TAFA1: variants seen among roughly 807,000 people sequenced by gnomAD.
TAFA1 encodes TAFA chemokine like family member 1.
Under a neutral mutation model 18.5 loss-of-function variants are expected in TAFA1, and 4 were observed. That is an observed-to-expected ratio of 0.22 (90% confidence interval 0.11 to 0.49). The LOEUF is 0.49. TAFA1 is among the 20% of genes least tolerant of loss of function. The pLI is 0.98. For synonymous variants in TAFA1, 56 were observed against 55.2 expected (o/e 1.01, Z -0.06); for missense variants, 147 against 169.0 (o/e 0.87, Z 0.72).
chr3:68,520,621 A>G (rs1390057242), intron 3 of TAFA1, among the ~76,000 whole-genome samples: 3 of 152,322 alleles, frequency 2.0e-5, no homozygotes, highest in Middle Eastern at 6.8e-3. Context: ...AAAACCCAAC[A>G]TTACCACTGA....
In TAFA1 at chr3:68,057,277, G is replaced by A. The variant is rs9821990; in HGVS notation, c.118+50533G>A. On this transcript the variant is annotated intron_variant, in intron 2 of 4. Transcript: ENST00000478136. ...TTTCAGTTATCTATGTTATGGGGCC[G>A]AATCTCATCACTTGAAACAGAACTC... Among the ~76,000 whole-genome samples, 626 of 152,274 alleles carry A rather than the reference G, an allele frequency of 4.1e-3. 5 individuals are homozygous for A. Among genetic ancestry groups the A allele is most frequent in the African/African-American group, 0.014 (589 of 41,556 alleles).
chr3:68,235,308 A>T (rs2066915783), intron 2 of TAFA1, among the ~76,000 whole-genome samples: 1 of 152,170 alleles, frequency 6.6e-6, no homozygotes, highest in African/African-American at 2.4e-5. Context: ...AGAGATTATG[A>T]CTAAATGAAC....
chr3:68,236,947 A>G (rs1222676094), intron 2 of TAFA1, among the ~76,000 whole-genome samples: 1 of 152,240 alleles, frequency 6.6e-6, no homozygotes. Context: ...CAAAGATCTC[A>G]GACATGAATT....
chr3:68,208,827 G>T (rs2066559457), intron 2 of TAFA1, among the ~76,000 whole-genome samples: 1 of 151,944 alleles, frequency 6.6e-6, no homozygotes, highest in Non-Finnish European at 1.5e-5. Flanking sequence ...ATGCCCCCAA[G>T]GTTCTCACTA....
chr3:68,459,068 T>C (rs936332336), intron 3 of TAFA1, among the ~76,000 whole-genome samples: 1 of 152,128 alleles, frequency 6.6e-6, no homozygotes, highest in Non-Finnish European at 1.5e-5. Context: ...AGAGTTTTTC[T>C]CCTTTAGGCA....
chr3:68,530,782 G>A (rs929633251), intron 3 of TAFA1, among the ~76,000 whole-genome samples: 1 of 152,064 alleles, frequency 6.6e-6, no homozygotes, highest in Non-Finnish European at 1.5e-5. Flanking sequence ...AAAAAAGTGT[G>A]ATAAGTTGGC....
At chr3:68,186,938 G>A (rs531795034) in intron 2 of TAFA1, among the ~76,000 whole-genome samples, 1 of 151,908 alleles carries the variant, frequency 6.6e-6, no homozygotes, top group South Asian at 2.1e-4. Context: ...TTATCTCTGT[G>A]GGTAATTAGC....
At chr3:68,540,830 G>C (rs539924693) in intron 4 of TAFA1, among the ~76,000 whole-genome samples, 2 of 152,268 alleles carry the variant, frequency 1.3e-5, no homozygotes, top group East Asian at 3.9e-4. Flanking sequence ...ACTTTTTTGA[G>C]ACCAATGTAA....
intron 3 of TAFA1, among the ~76,000 whole-genome samples, chr3:68,495,973 G>A (rs1963646): frequency 6.1e-5 from 8 of 131,246 alleles, no homozygotes; most frequent in Admixed American, 3.3e-4. Flanking sequence ...AAATAACAAC[G>A]ATAGTGAACC....
chr3:68,418,226 A>T (rs1407023605), intron 3 of TAFA1, among the ~76,000 whole-genome samples: 3 of 152,088 alleles, frequency 2.0e-5, no homozygotes, highest in African/African-American at 7.2e-5. Context: ...AGGTGGGCCG[A>T]GTCCCAAAAG....
At chr3:68,535,456 C>T (rs965347280) in intron 3 of TAFA1, among the ~76,000 whole-genome samples, 5 of 151,358 alleles carry the variant, frequency 3.3e-5, no homozygotes, top group African/African-American at 1.2e-4. Flanking sequence ...TCTATTCAAA[C>T]TCTGTTTTAC....
intron 2 of TAFA1, among the ~76,000 whole-genome samples, chr3:68,382,107 C>A (rs1179690494): frequency 6.6e-6 from 1 of 152,170 alleles, no homozygotes; most frequent in African/African-American, 2.4e-5. Flanking sequence ...GTTGAACCAG[C>A]CTTGCATCCC....
intron 2 of TAFA1, among the ~76,000 whole-genome samples, chr3:68,076,317 T>G (rs1427823974): frequency 6.6e-6 from 1 of 152,028 alleles, no homozygotes; most frequent in Middle Eastern, 3.2e-3. Flanking sequence ...TTGTTTGTTT[T>G]AAATTATACT....
At chr3:68,484,848 G>T (rs2072307599) in intron 3 of TAFA1, among the ~76,000 whole-genome samples, 1 of 152,260 alleles carries the variant, frequency 6.6e-6, no homozygotes, top group East Asian at 1.9e-4. Flanking sequence ...TCCATGAGAT[G>T]CTACAGTATT....
chr3:68,406,831 T>C (rs2070620696), intron 2 of TAFA1, among the ~76,000 whole-genome samples: 1 of 152,186 alleles, frequency 6.6e-6, no homozygotes, highest in African/African-American at 2.4e-5. Context: ...CCACAATATG[T>C]AAAGAGCAGT....
chr3:68,090,984 A>T (rs1253746777), intron 2 of TAFA1, among the ~76,000 whole-genome samples: 3 of 152,206 alleles, frequency 2.0e-5, no homozygotes, highest in Non-Finnish European at 4.4e-5. Context: ...AATCTGAGCT[A>T]AGTATTAGGA....
intron 3 of TAFA1, among the ~76,000 whole-genome samples, chr3:68,420,949 A>G (rs372546700): frequency 4.7e-4 from 72 of 152,334 alleles, no homozygotes; most frequent in African/African-American, 1.6e-3. Context: ...TAAGCATTAT[A>G]AAACAAAACC....
intron 3 of TAFA1, among the ~76,000 whole-genome samples, chr3:68,475,715 G>C (rs1361805731): frequency 6.6e-6 from 1 of 152,070 alleles, no homozygotes; most frequent in Non-Finnish European, 1.5e-5. Context: ...TCTAGTTCTA[G>C]ATCCCTGAGG....
At chr3:68,509,991 A>C (rs1426660948) in intron 3 of TAFA1, among the ~76,000 whole-genome samples, 1 of 152,070 alleles carries the variant, frequency 6.6e-6, no homozygotes, top group Non-Finnish European at 1.5e-5. Context: ...TCCCAATTTT[A>C]AGTCCCCATT....
Sources: allele counts gnomAD v4.1 joint callset (sites outside exome capture counted in the v4.1 genomes callset), GRCh38; gene constraint gnomAD v4.1.1; transcripts MANE v1.5; gene names NCBI Gene and HGNC (gene_info 2026-07-23, HGNC 2026-07-21).